Variants in ETV5 observed in about 807,000 individuals in gnomAD.
ETV5 encodes ETS variant transcription factor 5.
A neutral mutation model predicts 70.0 loss-of-function variants in ETV5; 10 were observed. The ratio of observed to expected loss-of-function variants is 0.14; its 90% CI spans 0.09 to 0.24. ETV5 has a LOEUF of 0.24. ETV5 is among the 10% of genes least tolerant of loss of function. The pLI, the probability that ETV5 is intolerant of heterozygous loss-of-function variation, is 1.00. For synonymous variants in ETV5, 216 were observed against 242.2 expected, an observed-to-expected ratio of 0.89 and a Z score of 1.01; for missense variants, 453 against 651.2, an observed-to-expected ratio of 0.70 and a Z score of 3.31.
chr3:186,066,019 A>T lies in ETV5; in HGVS notation c.704T>A (p.Val235Asp), dbSNP rs778213774. ...GTAACTGGGGCGATTATCTCCAGGA[A>T]CTCCTGGCTGAGGAGGGAAGGGGTG... ...PCHPFPPQPG[V>D]PGDNRPSYHR... Residue 235 changes from valine to aspartate, a missense_variant, in exon 8 of 13, where the codon GTT (valine) becomes GAT (aspartate). Val to Asp is a radical substitution (Grantham distance 152). Transcript: ENST00000306376. 2 of 1,609,998 alleles carry T rather than the reference A, an allele frequency of 1.2e-6. No homozygotes were observed. Among genetic ancestry groups the T allele is most frequent in the South Asian group, 1.1e-5 (1 of 90,570 alleles).
rs1713433892 is a variant in ETV5, at chr3:186,065,996, A to T, written c.727T>A (p.Tyr243Asn). 2 of 1,611,020 alleles carry T rather than the reference A, an allele frequency of 1.2e-6. No individual in the cohort carries two copies. Among genetic ancestry groups the T allele is most frequent in the Non-Finnish European group, 1.7e-6 (2 of 1,178,592 alleles). Residue 243 changes from tyrosine (Y) to asparagine (N), a missense_variant, in exon 8 of 13, where the codon TAC becomes AAC. By Grantham distance (143) the Tyr-to-Asn change is moderately radical. Coordinates refer to ENST00000306376, the MANE Select transcript of ETV5 (RefSeq NM_004454.3). ...ATAGGTTCTGACATTTGCCGATGGT[A>T]ACTGGGGCGATTATCTCCAGGAACT... ...PGVPGDNRPS[Y>N]HRQMSEPIVP...
rs889961425 is a variant in ETV5, at chr3:186,054,035, A to G, written c.1210-1904T>C. The stretch of plus-strand genomic sequence containing the variant: ...CTCTCAGCTGTCACTTGCATATGCA[A>G]TTGCTTACTGGAGAAAGGTTTGGTA... On this transcript the variant is annotated intron_variant, in intron 11 of 12. Transcript: ENST00000306376. This position sits in a 1 kb window ranked among gnomAD's most constrained non-coding sequence, Gnocchi z 4.4. Among the ~76,000 whole-genome samples, 5 of 152,230 alleles carry G rather than the reference A, an allele frequency of 3.3e-5. No homozygotes were observed. The highest frequency in any genetic ancestry group is 2.1e-4 in the South Asian group (1 of 4,830).
intron 9 of ETV5, among the ~76,000 whole-genome samples, chr3:186,063,417 G>T (rs1038529815): frequency 6.6e-6 from 1 of 152,176 alleles, no homozygotes; most frequent in African/African-American, 2.4e-5. Context: ...ACCCTAATTA[G>T]TAGGTCAGCA....
At chr3:186,059,139 T>C (rs963650532) in intron 9 of ETV5, among the ~76,000 whole-genome samples, 23 of 152,190 alleles carry the variant, frequency 1.5e-4, no homozygotes, top group Admixed American at 6.5e-5. Context: ...AGTAGCTTCT[T>C]GGCAGGAGCA....
chr3:186,080,125 G>A lies in ETV5; in HGVS notation c.363-21C>T, dbSNP rs370928101. The A allele has an allele frequency of 7.6e-6, 11 of 1,456,462 alleles. No homozygotes were observed. In the African/African-American group the frequency reaches 1.3e-4, roughly 18 times the overall value. The allele number at this position is 1,456,462 out of a possible 1,614,324, so 90.2% of individuals were successfully genotyped here. On this transcript the variant is annotated intron_variant, in intron 6 of 12. Coordinates refer to ENST00000306376, the MANE Select transcript of ETV5 (RefSeq NM_004454.3). ...AGGCACTGTAAACAGAAAAAGAGAA[G>A]GAACCATTAAGCTGAAATGAAGCCA...
At chr3:186,056,965 T>C in intron 11 of ETV5, 110 bp downstream of exon 11, 1 of 1,292,192 alleles carries the variant, frequency 7.7e-7, no homozygotes, top group Non-Finnish European at 1.1e-6. Context: ...AGAATATGAA[T>C]GAGAAGCAAG....
rs758783948 is a variant in ETV5 at position 186,057,046 on chromosome 3, C to T, written c.1209+29G>A. ...CATCATCAACAACAACAAATCAAAA[C>T]CCGTCTGAGTCCAGCATCCAGTGCA... On this transcript the variant is annotated intron_variant, in intron 11 of 12. Transcript: ENST00000306376. This position sits in a 1 kb window ranked among gnomAD's most constrained non-coding sequence, Gnocchi z 4.9. 1.3e-6 allele frequency: 2 copies of T among 1,596,584 alleles called. No homozygotes were observed. Among genetic ancestry groups the T allele is most frequent in the South Asian group, 1.1e-5 (1 of 90,126 alleles).
chr3:186,098,129 A>G (rs1027872839), intron 5 of ETV5, among the ~76,000 whole-genome samples: 4 of 152,246 alleles, frequency 2.6e-5, no homozygotes, highest in South Asian at 4.1e-4. Context: ...CAAATGGCCA[A>G]GACCCTTGTG....
At chr3:186,051,936 CT>C (rs1713042768) in intron 12 of ETV5, 93 bp downstream of exon 12, 2 of 1,247,980 alleles carry the variant, frequency 1.6e-6, no homozygotes, top group South Asian at 2.5e-5. Context: ...CTAAAATTTC[CT>C]CGTAGCGACG....
At chr3:186,070,966 G>C (rs1713617185) in intron 7 of ETV5, among the ~76,000 whole-genome samples, 1 of 152,170 alleles carries the variant, frequency 6.6e-6, no homozygotes, top group African/African-American at 2.4e-5. Flanking sequence ...AGGGACTTCT[G>C]ACTCCGAATA....
At chr3:186,084,915 T>C (rs1399326718) in intron 5 of ETV5, among the ~76,000 whole-genome samples, 1 of 151,780 alleles carries the variant, frequency 6.6e-6, no homozygotes, top group African/African-American at 2.4e-5. Flanking sequence ...AAAGGAAAAA[T>C]GGATGAGAAG....
At chr3:186,051,716 G>A (rs1713037106) in intron 12 of ETV5, among the ~76,000 whole-genome samples, 1 of 152,130 alleles carries the variant, frequency 6.6e-6, no homozygotes, top group South Asian at 2.1e-4. Flanking sequence ...GTCCTTTTTG[G>A]ATACAACAGT....
At chr3:186,108,555 G>T in intron 1 of ETV5, 2 of 1,271,196 alleles carry the variant, frequency 1.6e-6, no homozygotes, top group South Asian at 1.3e-5. Flanking sequence ...GCGGAGCTCC[G>T]CCAAGCGTCT....
chr3:186,106,070 C>T (rs1714580179), intron 1 of ETV5, 128 bp from the exon 2 acceptor site: 2 of 642,576 alleles, frequency 3.1e-6, no homozygotes, highest in Non-Finnish European at 5.4e-6. Context: ...AAAACCTACT[C>T]AAGGTGCAAG....
Position 186,105,936 on chromosome 3 carries a change from G to A in ETV5, c.-68C>T, listed in dbSNP as rs557809427. 6.3e-7 allele frequency: 1 copy of A among 1,585,546 alleles called. No homozygotes were observed. Among genetic ancestry groups the A allele is most frequent in the Admixed American group, 1.8e-5 (1 of 56,136 alleles). The stretch of plus-strand genomic sequence containing the variant: ...ATTGAGTAATTTCTGGGGGAAAAGG[G>A]ATCCTCCTGTAATATGAATTTGGGA... On this transcript the variant is annotated 5_prime_UTR_variant, in exon 2 of 13. Coordinates refer to ENST00000306376, the MANE Select transcript of ETV5 (RefSeq NM_004454.3). This position sits in a 1 kb window ranked among gnomAD's most constrained non-coding sequence, Gnocchi z 4.5.
chr3:186,084,182 A>G (rs945100718), intron 5 of ETV5: 2 of 449,510 alleles, frequency 4.4e-6, no homozygotes, highest in Admixed American at 4.9e-5. Flanking sequence ...TGCACAGCTG[A>G]CTTGCTAAAT....
At chr3:186,073,574 TAATAAAAATCATATA>T (rs1713699021) in intron 7 of ETV5, among the ~76,000 whole-genome samples, 1 of 152,204 alleles carries the variant, frequency 6.6e-6, no homozygotes, top group Non-Finnish European at 1.5e-5. Flanking sequence ...GGATGAGAGA[TAATAAAAATCATATA>T]GTCCAGGCAA....
intron 7 of ETV5, among the ~76,000 whole-genome samples, chr3:186,072,383 G>GA (rs1375365772): frequency 1.4e-5 from 2 of 141,354 alleles, no homozygotes; most frequent in Non-Finnish European, 3.0e-5. Context: ...AAAAAAAAAA[G>GA]AAAAAAAAGA....
At chr3:186,072,213 C>T (rs1285058290) in intron 7 of ETV5, among the ~76,000 whole-genome samples, 20 of 151,656 alleles carry the variant, frequency 1.3e-4, no homozygotes, top group Non-Finnish European at 2.9e-5. Flanking sequence ...AAACCTGTCT[C>T]TATTAAAAAC....
Sources: gnomAD v4.1 joint callset for allele counts (sites outside exome capture counted in the v4.1 genomes callset) on GRCh38, gnomAD v4.1.1 for gene constraint, Gnocchi (gnomAD v3.1) non-coding constraint, MANE v1.5 for transcripts, NCBI Gene and HGNC (gene_info 2026-07-23, HGNC 2026-07-21) for gene names.